NPL: variants seen among roughly 807,000 people sequenced by gnomAD.
NPL encodes the protein N-acetylneuraminate lyase.
In NPL, 32 loss-of-function variants were observed where a neutral mutation model predicts 41.1. The ratio of observed to expected loss-of-function variants is 0.78; its 90% CI spans 0.59 to 1.05. The LOEUF is 1.05. NPL is among the 50% of genes least tolerant of loss of function. The probability of loss-of-function intolerance (pLI) is 0.00; values close to 1 mark genes in which losing one functional copy is unlikely to be tolerated. For missense variants in NPL, 321 were observed against 378.4 expected (o/e 0.85, Z 1.26); for synonymous variants, 128 against 134.9 (o/e 0.95, Z 0.35).
chr1:182,799,415 C>A, intron 3 of NPL, among the ~76,000 whole-genome samples: 1 of 151,984 alleles, frequency 6.6e-6, no homozygotes, highest in Admixed American at 6.5e-5. Context: ...AATTAGAATG[C>A]TGAATGAAAA....
At chr1:182,814,668 C>T (rs926810762) in intron 6 of NPL, 115 bp from the exon 7 acceptor site, 6 of 872,206 alleles carry the variant, frequency 6.9e-6, no homozygotes, top group African/African-American at 6.6e-5. Context: ...TTCCCACTTT[C>T]CAGTGGTACA....
intron 3 of NPL, among the ~76,000 whole-genome samples, chr1:182,801,236 A>G (rs1432260406): frequency 6.6e-6 from 1 of 152,138 alleles, no homozygotes; most frequent in Non-Finnish European, 1.5e-5. Context: ...CATTAGTGTC[A>G]TTCTTGTAGG....
intron 4 of NPL, among the ~76,000 whole-genome samples, chr1:182,804,154 G>A (rs1465518140): frequency 6.6e-6 from 1 of 152,110 alleles, no homozygotes; most frequent in Non-Finnish European, 1.5e-5. Context: ...TTGAGATGGA[G>A]TCTTGCTCTA....
intron 10 of NPL, among the ~76,000 whole-genome samples, chr1:182,819,303 G>A (rs1667423791): frequency 1.3e-5 from 2 of 152,124 alleles, no homozygotes; most frequent in Admixed American, 1.3e-4. Context: ...AAAATTAGCT[G>A]GGCATGGTGG....
rs530768606 is a variant in NPL at position 182,803,926 on chromosome 1, C to T, written c.142+155C>T. On this transcript the variant is annotated intron_variant, in intron 4 of 12. Coordinates refer to ENST00000367553, the MANE Select transcript of NPL (RefSeq NM_030769.3). ...ACTAAAATTTGTGAATTTGTAGGCC[C>T]ACCAATCTTAGACCTACAAAGCACC... Among the ~76,000 whole-genome samples the T allele has an allele frequency of 2.6e-5, 4 of 152,266 alleles. No homozygotes were observed. The South Asian group carries it at 6.2e-4, about 24-fold the overall frequency.
intron 11 of NPL, among the ~76,000 whole-genome samples, chr1:182,822,442 G>T (rs1033420222): frequency 6.6e-6 from 1 of 152,112 alleles, no homozygotes; most frequent in Non-Finnish European, 1.5e-5. Flanking sequence ...TCCTAGAAAG[G>T]ATCTTATTTT....
intron 8 of NPL, among the ~76,000 whole-genome samples, chr1:182,817,663 T>G (rs202051569): frequency 6.6e-6 from 1 of 152,316 alleles, no homozygotes; most frequent in East Asian, 1.9e-4. Context: ...GGGTTCCAAT[T>G]ACCTCCTCCT....
intron 3 of NPL, among the ~76,000 whole-genome samples, chr1:182,798,512 G>A (rs1182004111): frequency 6.6e-6 from 1 of 152,212 alleles, no homozygotes; most frequent in East Asian, 1.9e-4. Flanking sequence ...ACAGGCATGA[G>A]CAGCTGCGCC....
At chr1:182,820,579 C>G (rs575550742) in intron 10 of NPL, among the ~76,000 whole-genome samples, 1 of 152,306 alleles carries the variant, frequency 6.6e-6, no homozygotes, top group East Asian at 1.9e-4. Context: ...GTTCTGCAGG[C>G]TGTACAGGAA....
rs1003945179 is a variant in NPL, at chr1:182,806,901, C to T, written c.230+669C>T. On this transcript the variant is annotated intron_variant, in intron 5 of 12. Coordinates refer to ENST00000367553, the MANE Select transcript of NPL (RefSeq NM_030769.3). ...CTGTCGCCCAGGCTGGAGTGCAGCGCGATCTCAGCTCGCTGCAACCTCTGC... is the reference window on the plus strand; with the variant it reads ...CTGTCGCCCAGGCTGGAGTGCAGCGTGATCTCAGCTCGCTGCAACCTCTGC... Among the ~76,000 whole-genome samples, 21 of 152,088 alleles carry T rather than the reference C, an allele frequency of 1.4e-4. 1 individual carries two copies. The South Asian group carries it at 1.7e-3, about 12-fold the overall frequency.
Position 182,799,732 on chromosome 1 carries a change from CAAAAAAAAAAA to C in NPL, c.69-3955_69-3945del, listed in dbSNP as rs556336661. ...AGACAACATAGCAAGACCCTGTCTC[CAAAAAAAAAAA>C]AAAAAAAAAAGCCCCAAGGCATGAA... On this transcript the variant is annotated intron_variant, in intron 3 of 12. Transcript: ENST00000367553. 4.9e-5 allele frequency among the ~76,000 whole-genome samples: 3 copies of C among 61,216 alleles called. No homozygotes were observed. The South Asian group carries it at 1.8e-3, about 37-fold the overall frequency. 40.2% of individuals were successfully genotyped at this position (61,216 alleles called of 152,430 possible).
rs934266074 is a variant in NPL at position 182,794,261 on chromosome 1, A to G, written c.-16-95A>G. ...TGTGTGTTTGTGTACTTGTAAGCACATTTTACAGTTCTAAACTAGAAATGG... is the reference window on the plus strand; with the variant it reads ...TGTGTGTTTGTGTACTTGTAAGCACGTTTTACAGTTCTAAACTAGAAATGG... On this transcript the variant is annotated intron_variant, in intron 2 of 12. Transcript: ENST00000367553. 5.6e-6 allele frequency: 6 copies of G among 1,070,070 alleles called. No homozygotes were observed. In the Admixed American group the frequency reaches 8.4e-5, roughly 15 times the overall value. The allele number at this position is 1,070,070 out of a possible 1,614,324, so 66.3% of individuals were successfully genotyped here.
At chr1:182,815,023 T>C (rs577281794) in intron 7 of NPL, among the ~76,000 whole-genome samples, 165 bp downstream of exon 7, 1 of 152,344 alleles carries the variant, frequency 6.6e-6, no homozygotes, top group African/African-American at 2.4e-5. Context: ...CCTGGATCCA[T>C]AAAAGAGACT....
chr1:182,814,729 A>C, intron 6 of NPL, 54 bp from the exon 7 acceptor site: 2 of 1,389,904 alleles, frequency 1.4e-6, no homozygotes, highest in Non-Finnish European at 2.0e-6. Flanking sequence ...TCTAAGCTAT[A>C]GGTGACTATA....
Position 182,822,118 on chromosome 1 carries a change from C to G in NPL, c.657C>G (p.Thr219=). Residue 219 remains threonine, a synonymous_variant, in exon 11 of 13, where the codon ACC becomes ACG. Coordinates refer to ENST00000367553, the MANE Select transcript of NPL (RefSeq NM_030769.3). ...VMGATGAVGS[T]YNYLGKKTNQ... ...GTATTTGTTATTGTCTTGCCAGTACCTATAACTACCTGGGAAAAAAGACAA... is the reference window on the plus strand; with the variant it reads ...GTATTTGTTATTGTCTTGCCAGTACGTATAACTACCTGGGAAAAAAGACAA... 6.2e-7 allele frequency: 1 copy of G among 1,607,822 alleles called. No homozygotes were observed.
In NPL at chr1:182,814,978, C is replaced by CA; in HGVS notation, c.364+122dup. 5 of 776,676 alleles carry CA rather than the reference C, an allele frequency of 6.4e-6. 1 individual carries two copies. The South Asian group carries it at 7.5e-5, about 12-fold the overall frequency. The allele number at this position is 776,676 out of a possible 1,614,324, so 48.1% of individuals were successfully genotyped here. A position where few individuals can be genotyped will look rare whatever the true frequency, so the allele number is the denominator to read the frequency against. On this transcript the variant is annotated intron_variant, in intron 7 of 12. Coordinates refer to ENST00000367553, the MANE Select transcript of NPL (RefSeq NM_030769.3). ...ACTATAGATTGGAGGCTTGAAGTCG[C>CA]AATGGTACAGTGGTTCTCTGAAATA...
At chr1:182,795,516 G>T (rs1411570437) in intron 3 of NPL, among the ~76,000 whole-genome samples, 1 of 152,112 alleles carries the variant, frequency 6.6e-6, no homozygotes, top group East Asian at 1.9e-4. Flanking sequence ...TAAAGGAGAT[G>T]AAATTTCTCA....
At chr1:182,801,876 G>C (rs964545271) in intron 3 of NPL, among the ~76,000 whole-genome samples, 1 of 151,990 alleles carries the variant, frequency 6.6e-6, no homozygotes, top group Non-Finnish European at 1.5e-5. Flanking sequence ...GAGGACATAG[G>C]GTTTTGTCCT....
intron 7 of NPL, 36 bp downstream of exon 7, chr1:182,814,894 T>C (rs1228698012): frequency 6.7e-7 from 1 of 1,492,744 alleles, no homozygotes; most frequent in Middle Eastern, 1.7e-4. Flanking sequence ...GCATCTCACA[T>C]GGTCCACTTC....
Sources: allele counts gnomAD v4.1 joint callset (sites outside exome capture counted in the v4.1 genomes callset), GRCh38; gene constraint gnomAD v4.1.1; transcripts MANE v1.5; gene names NCBI Gene and HGNC (gene_info 2026-07-23, HGNC 2026-07-21).